MAGI2: variants seen among roughly 807,000 people sequenced by gnomAD.
The protein encoded by MAGI2 is membrane associated guanylate kinase, WW and PDZ domain containing 2.
MAGI2 carries 35 observed loss-of-function variants against 133.3 expected under a neutral mutation model. That is an observed-to-expected ratio of 0.26 (90% CI 0.20 to 0.35). The LOEUF (loss-of-function observed/expected upper bound fraction) is 0.35, where lower values mean the gene tolerates loss of function less well. Ranked by LOEUF, MAGI2 falls within the 10% of genes least tolerant of loss-of-function variation. MAGI2 has a pLI of 1.00. For missense variants in MAGI2, 1,636 were observed against 1,863.4 expected (o/e 0.88, Z 2.25); for synonymous variants, 729 against 710.6 (o/e 1.03, Z -0.41).
intron 1 of MAGI2, among the ~76,000 whole-genome samples, chr7:79,338,395 A>C (rs1840645756): frequency 6.6e-6 from 1 of 152,158 alleles, no homozygotes; most frequent in Non-Finnish European, 1.5e-5. Flanking sequence ...TACCAGAATA[A>C]ATAAGAAAGA....
chr7:78,888,187 C>G (rs570358314), intron 2 of MAGI2, among the ~76,000 whole-genome samples: 2 of 152,018 alleles, frequency 1.3e-5, no homozygotes, highest in Admixed American at 1.3e-4. Context: ...GGGGGAGGGG[C>G]GCCCACCATT....
chr7:79,381,143 T>TA (rs1442963515), intron 1 of MAGI2, among the ~76,000 whole-genome samples: 3 of 115,786 alleles, frequency 2.6e-5, no homozygotes, highest in Admixed American at 2.6e-4. Flanking sequence ...GCTGCTCAGC[T>TA]CAGATTAAAC....
intron 1 of MAGI2, among the ~76,000 whole-genome samples, chr7:79,215,069 C>T (rs1272496380): frequency 6.6e-6 from 1 of 151,468 alleles, no homozygotes; most frequent in Admixed American, 6.6e-5. Flanking sequence ...AAGGGCATTC[C>T]AAAGTAAAGC....
intron 1 of MAGI2, among the ~76,000 whole-genome samples, chr7:79,427,686 G>A (rs1847487211): frequency 6.6e-6 from 1 of 152,180 alleles, no homozygotes; most frequent in Non-Finnish European, 1.5e-5. Flanking sequence ...GTAGAAAGTT[G>A]TGCTGCGGTT....
intron 1 of MAGI2, chr7:79,414,692 T>G (rs1006426166): frequency 8.5e-5 from 13 of 152,292 alleles, no homozygotes; most frequent in African/African-American, 2.4e-4. Flanking sequence ...CCTTAATATT[T>G]ACCTCTTTGG....
intron 6 of MAGI2, among the ~76,000 whole-genome samples, chr7:78,483,740 T>C (rs1792672326): frequency 1.3e-5 from 2 of 152,000 alleles, no homozygotes; most frequent in South Asian, 2.1e-4. Context: ...TATCTCAAAA[T>C]GTTGCTAAAG....
chr7:79,158,383 G>A (rs1250691585), intron 1 of MAGI2, among the ~76,000 whole-genome samples: 1 of 151,954 alleles, frequency 6.6e-6, no homozygotes, highest in Non-Finnish European at 1.5e-5. Flanking sequence ...CTAGTCAAAT[G>A]CTTTTTCCAA....
At chr7:79,235,607 C>T (rs1035728420) in intron 1 of MAGI2, among the ~76,000 whole-genome samples, 6 of 152,212 alleles carry the variant, frequency 3.9e-5, no homozygotes, top group African/African-American at 9.6e-5. Flanking sequence ...AACTCCCCGA[C>T]CCCTTGCGCT....
At chr7:79,083,048 A>ACTT (rs1816183336) in intron 1 of MAGI2, among the ~76,000 whole-genome samples, 1 of 151,278 alleles carries the variant, frequency 6.6e-6, no homozygotes, top group Non-Finnish European at 1.5e-5. Context: ...TGCTGAATTC[A>ACTT]CTTGTTATTT....
chr7:79,359,282 T>G (rs848955), intron 1 of MAGI2, among the ~76,000 whole-genome samples: 76,000 of 151,856 alleles, frequency 0.5, 20,444 homozygotes, highest in African/African-American at 0.7. Context: ...CAGAATAAGA[T>G]AATTCATCCA....
At chr7:78,404,477 A>G (rs906607309) in intron 6 of MAGI2, among the ~76,000 whole-genome samples, 23 of 152,186 alleles carry the variant, frequency 1.5e-4, no homozygotes, top group Admixed American at 3.9e-4. Flanking sequence ...AGACATATAG[A>G]CCAATGGAAC....
rs182313685 is a variant in MAGI2, at chr7:78,674,821, A to G, written c.419-47582T>C. Among the ~76,000 whole-genome samples the G allele has an allele frequency of 2.0e-5, 3 of 152,250 alleles. No homozygotes were observed. In the East Asian group the frequency reaches 5.8e-4, roughly 29 times the overall value. On this transcript the variant is annotated intron_variant, in intron 2 of 21. Transcript: ENST00000354212. ...TATGTAATGTAATTATAAGTTTAAG[A>G]CCAAAGAAATTGAAATGGCATGACT...
chr7:79,107,390 A>T lies in MAGI2; in HGVS notation c.302-100184T>A, dbSNP rs1170962818. ...CACATGGAAGTGAATTCTGCAAATG[A>T]CCTGAATGAACCTGAAAGTGGATTC... On this transcript the variant is annotated intron_variant, in intron 1 of 21. Transcript: ENST00000354212. 3.3e-5 allele frequency among the ~76,000 whole-genome samples: 5 copies of T among 152,202 alleles called. No homozygotes were observed. The East Asian group carries it at 9.7e-4, about 29-fold the overall frequency.
At chr7:78,654,822 A>G (rs915382160) in intron 2 of MAGI2, among the ~76,000 whole-genome samples, 5 of 150,042 alleles carry the variant, frequency 3.3e-5, no homozygotes, top group Non-Finnish European at 5.9e-5. Flanking sequence ...TTATTGCTCT[A>G]CTGCTCTCTT....
intron 1 of MAGI2, among the ~76,000 whole-genome samples, chr7:79,334,085 T>C (rs983136318): frequency 6.6e-6 from 1 of 152,174 alleles, no homozygotes. Context: ...ACACATCTAG[T>C]AAACACCTTT....
chr7:78,298,810 G>GTTTTTTTTT (rs71085520), intron 9 of MAGI2, among the ~76,000 whole-genome samples: 1 of 79,606 alleles, frequency 1.3e-5, no homozygotes, highest in African/African-American at 6.6e-5. Context: ...TGGCCTAAAC[G>GTTTTTTTTT]TTTTTTTTTT....
chr7:79,154,867 AC>A (rs1198863920), intron 1 of MAGI2, among the ~76,000 whole-genome samples: 2 of 152,154 alleles, frequency 1.3e-5, no homozygotes, highest in Non-Finnish European at 2.9e-5. Flanking sequence ...ACTCTTGCAA[AC>A]AAACAAAACA....
chr7:78,617,873 G>A (rs1011280588), intron 3 of MAGI2: 7 of 151,866 alleles, frequency 4.6e-5, no homozygotes, highest in African/African-American at 1.7e-4. Flanking sequence ...CAGTATTGAT[G>A]GTTTCTATTT....
At chr7:79,362,199 A>G (rs1232752284) in intron 1 of MAGI2, among the ~76,000 whole-genome samples, 1 of 152,116 alleles carries the variant, frequency 6.6e-6, no homozygotes, top group Non-Finnish European at 1.5e-5. Context: ...CGATATCACC[A>G]TAGATGCTGT....
Sources: gnomAD v4.1 joint callset for allele counts (sites outside exome capture counted in the v4.1 genomes callset) on GRCh38, gnomAD v4.1.1 for gene constraint, MANE v1.5 for transcripts, NCBI Gene and HGNC (gene_info 2026-07-23, HGNC 2026-07-21) for gene names.